The following RBM6 variants were observed in gnomAD, a reference collection of about 807,000 sequenced individuals.
The protein encoded by RBM6 is RNA binding motif protein 6, also known as RNA-binding protein 6.
A neutral mutation model predicts 140.4 loss-of-function variants in RBM6; 23 were observed. That is an observed-to-expected ratio of 0.16 (90% CI 0.12 to 0.23). The LOEUF is 0.23. Ranked by LOEUF, RBM6 falls within the 10% of genes least tolerant of loss-of-function variation. RBM6 has a pLI of 1.00. For synonymous variants in RBM6, 439 were observed against 475.6 expected, an observed-to-expected ratio of 0.92 and a Z score of 1.00; for missense variants, 1,139 against 1,386.7, an observed-to-expected ratio of 0.82 and a Z score of 2.84.
At chr3:50,025,717 GC>G (rs1262081914) in intron 6 of RBM6, among the ~76,000 whole-genome samples, 1 of 150,636 alleles carries the variant, frequency 6.6e-6, no homozygotes, top group Non-Finnish European at 1.5e-5. Context: ...GAGCCACTGT[GC>G]CCCACTGTTC....
intron 17 of RBM6, among the ~76,000 whole-genome samples, chr3:50,067,213 GC>G (rs2090152739): frequency 1.8e-5 from 2 of 111,102 alleles, no homozygotes; most frequent in Non-Finnish European, 3.7e-5. Flanking sequence ...AAAAAAAAAA[GC>G]CGCAGCAGCT....
chr3:49,991,215 G>A (rs1341399586), intron 5 of RBM6, among the ~76,000 whole-genome samples: 2 of 152,238 alleles, frequency 1.3e-5, no homozygotes, highest in Admixed American at 6.5e-5. Context: ...GGAGGGTCCT[G>A]AGTGTTGAGT....
chr3:49,943,789 C>T (rs1231043921), intron 1 of RBM6, among the ~76,000 whole-genome samples: 1 of 152,128 alleles, frequency 6.6e-6, no homozygotes, highest in Non-Finnish European at 1.5e-5. Flanking sequence ...TTTTTGAGGA[C>T]CCACCATACT....
chr3:49,999,567 GGGGA>G, intron 6 of RBM6, 54 bp downstream of exon 6: 1 of 1,380,528 alleles, frequency 7.2e-7, no homozygotes, highest in Non-Finnish European at 1.0e-6. Context: ...TTTTATATAT[GGGGA>G]GGGAGGGTTT....
rs756797254 is a variant in RBM6 at position 50,075,232 on chromosome 3, G to A, written c.3148G>A (p.Asp1050Asn). ...TAAACTTGTTGATAAAGAAGATATC[G>A]ACACTAGCAGCAAAGGAGGCTGTGT... ...DRKLVDKEDI[D>N]TSSKGGCVQQ... is the part of the protein sequence containing the mutation. The change falls in exon 20 of 21, where the codon GAC (aspartate) becomes AAC (asparagine). Residue 1050 changes from aspartate to asparagine, a missense_variant. By Grantham distance (23) the Asp-to-Asn change is conservative. Coordinates refer to ENST00000266022, the MANE Select transcript of RBM6 (RefSeq NM_005777.3). 29 of 1,613,838 alleles carry A rather than the reference G, an allele frequency of 1.8e-5. No homozygotes were observed. The highest frequency in any genetic ancestry group is 1.6e-4 in the Middle Eastern group (1 of 6,084).
chr3:49,985,334 A>G (rs1191756663), intron 5 of RBM6, among the ~76,000 whole-genome samples: 2 of 152,244 alleles, frequency 1.3e-5, no homozygotes, highest in East Asian at 3.8e-4. Context: ...ATTTAAAAAT[A>G]CGTTGACATT....
chr3:50,005,261 C>A (rs981970249), intron 6 of RBM6, among the ~76,000 whole-genome samples: 2 of 152,070 alleles, frequency 1.3e-5, no homozygotes, highest in African/African-American at 4.8e-5. Context: ...CTTTTGCAGG[C>A]TGTGACAGGA....
intron 6 of RBM6, among the ~76,000 whole-genome samples, chr3:49,999,769 GAAA>G (rs11293132): frequency 6.9e-6 from 1 of 145,114 alleles, no homozygotes; most frequent in Admixed American, 6.9e-5. Flanking sequence ...ACAATAGTTG[GAAA>G]AAAAAAAAAA....
In RBM6 at chr3:50,058,440, G is replaced by C; in HGVS notation, c.2008G>C (p.Glu670Gln). Residue 670 changes from glutamate (E) to glutamine (Q), a missense_variant, in exon 10 of 21, where the codon GAG (glutamate) becomes CAG (glutamine). Physicochemically the swap from Glu to Gln is conservative, Grantham distance 29. Coordinates refer to ENST00000266022, the MANE Select transcript of RBM6 (RefSeq NM_005777.3). ...GCGTATCTATCGTTCCACACCACCTGAGGTGATAGTGGAAGTGCTGGAGCC... is the reference window on the plus strand; with the variant it reads ...GCGTATCTATCGTTCCACACCACCTCAGGTGATAGTGGAAGTGCTGGAGCC... ...LKRIYRSTPP[E>Q]VIVEVLEPYV... The C allele has an allele frequency of 6.2e-7, 1 of 1,609,580 alleles. No homozygotes were observed. Among genetic ancestry groups the C allele is most frequent in the Non-Finnish European group, 8.5e-7 (1 of 1,175,878 alleles).
chr3:50,001,507 A>G (rs983454775), intron 6 of RBM6, among the ~76,000 whole-genome samples: 9 of 152,308 alleles, frequency 5.9e-5, no homozygotes, highest in Admixed American at 4.6e-4. Flanking sequence ...GGTATTAGAT[A>G]TAAGTAATCT....
intron 18 of RBM6, 132 bp downstream of exon 18, chr3:50,068,896 A>G (rs555839309): frequency 1.5e-6 from 1 of 682,162 alleles, no homozygotes; most frequent in South Asian, 2.1e-5. Context: ...TAGTGCATAC[A>G]TTTGCCAAAT....
chr3:49,978,564 G>T (rs1016785745), intron 5 of RBM6, among the ~76,000 whole-genome samples: 3 of 152,162 alleles, frequency 2.0e-5, no homozygotes, highest in African/African-American at 7.2e-5. Flanking sequence ...TCTAGAACCT[G>T]TGAGGTTAAA....
chr3:49,996,150 C>T (rs1233166000), intron 5 of RBM6, among the ~76,000 whole-genome samples: 2 of 152,162 alleles, frequency 1.3e-5, no homozygotes, highest in Non-Finnish European at 2.9e-5. Context: ...AGTGGGCATT[C>T]ACTGTGCTGG....
intron 6 of RBM6, among the ~76,000 whole-genome samples, chr3:50,024,629 A>G (rs2087694782): frequency 6.6e-6 from 1 of 152,162 alleles, no homozygotes; most frequent in Non-Finnish European, 1.5e-5. Flanking sequence ...CCAAAGTTGG[A>G]TATACCTGGT....
intron 7 of RBM6, among the ~76,000 whole-genome samples, chr3:50,050,541 T>C (rs186100534): frequency 1.4e-4 from 22 of 152,318 alleles, no homozygotes; most frequent in Non-Finnish European, 2.9e-5. Flanking sequence ...CTGTTTTCAG[T>C]TATTTGGGGG....
At chr3:50,058,356 CTT>C (rs1233323199) in intron 9 of RBM6, 44 bp from the exon 10 acceptor site, 5 of 1,546,264 alleles carry the variant, frequency 3.2e-6, no homozygotes, top group Non-Finnish European at 4.5e-6. Context: ...AAAAATTTAT[CTT>C]TCTCTCCCTT....
chr3:50,027,046 G>T (rs1469532547), intron 6 of RBM6, among the ~76,000 whole-genome samples: 1 of 152,128 alleles, frequency 6.6e-6, no homozygotes, highest in African/African-American at 2.4e-5. Flanking sequence ...GTACCCTTCT[G>T]GAGTCCTCCA....
intron 6 of RBM6, among the ~76,000 whole-genome samples, chr3:50,007,456 G>A (rs2086635565): frequency 6.6e-6 from 1 of 151,452 alleles, no homozygotes; most frequent in Non-Finnish European, 1.5e-5. Context: ...CCAAAGTGCT[G>A]GATTACAGGA....
chr3:49,946,253 T>A (rs1005053973), intron 1 of RBM6, among the ~76,000 whole-genome samples: 24 of 152,082 alleles, frequency 1.6e-4, no homozygotes, highest in Non-Finnish European at 3.5e-4. Context: ...TTCTTTTTTT[T>A]TTTTGGAGAC....
Sources: allele counts gnomAD v4.1 joint callset (sites outside exome capture counted in the v4.1 genomes callset), GRCh38; gene constraint gnomAD v4.1.1; transcripts MANE v1.5; gene names NCBI Gene and HGNC (gene_info 2026-07-23, HGNC 2026-07-21).